Variants in ZNF548 observed in about 807,000 individuals in gnomAD.
ZNF548 encodes zinc finger protein 548.
A neutral mutation model predicts 10.2 loss-of-function variants in ZNF548; 10 were observed. The observed-to-expected ratio is 0.98, with a 90% confidence interval of 0.60 to 1.66. ZNF548 has a LOEUF of 1.66. Ranked by LOEUF, ZNF548 falls within the 40% of genes most tolerant of loss-of-function variation. The probability of loss-of-function intolerance (pLI) is 0.00; values close to 1 mark genes in which losing one functional copy is unlikely to be tolerated. For missense variants in ZNF548, 599 were observed against 657.0 expected, an observed-to-expected ratio of 0.91 and a Z score of 0.97; for synonymous variants, 217 against 223.5, an observed-to-expected ratio of 0.97 and a Z score of 0.26.
Position 57,398,455 on chromosome 19 carries a change from G to A in ZNF548, c.204G>A (p.Glu68=), listed in dbSNP as rs2088682942. The A allele has an allele frequency of 6.2e-7, 1 of 1,613,884 alleles. No individual in the cohort carries two copies. The highest frequency in any genetic ancestry group is 8.5e-7 in the Non-Finnish European group (1 of 1,179,864). ...SLGSWHGAED[E]EAPSQQGFSV... is the part of the protein sequence containing the mutation. ...GTTCTTGGCATGGAGCTGAGGATGA[G>A]GAGGCACCTTCACAGCAAGGTTTTT... The change falls in exon 4 of 4, where the codon GAG becomes GAA. Residue 68 remains glutamate, a synonymous_variant. Coordinates refer to ENST00000336128, the MANE Select transcript of ZNF548 (RefSeq NM_001172773.2).
rs1373066481 is a variant in ZNF548, at chr19:57,401,285, A to G, written c.*1396A>G. The G allele has an allele frequency of 6.6e-6, 1 of 152,260 alleles. No homozygotes were observed. Among genetic ancestry groups the G allele is most frequent in the Non-Finnish European group, 1.5e-5 (1 of 68,050 alleles). The allele number at this position is 152,260 out of a possible 1,614,324, so 9.4% of individuals were successfully genotyped here. On this transcript the variant is annotated 3_prime_UTR_variant, in exon 4 of 4. Coordinates refer to ENST00000336128, the MANE Select transcript of ZNF548 (RefSeq NM_001172773.2). ...TGGATCAAAAGTATTTGGAGCATCCATGGATTGCAGTGATCATTAATCAAA... is the reference window on the plus strand; with the variant it reads ...TGGATCAAAAGTATTTGGAGCATCCGTGGATTGCAGTGATCATTAATCAAA...
chr19:57,396,407 G>C (rs1264660904), intron 2 of ZNF548, among the ~76,000 whole-genome samples: 2 of 152,192 alleles, frequency 1.3e-5, no homozygotes, highest in Non-Finnish European at 2.9e-5. Flanking sequence ...AATATGGAGA[G>C]AAAAGTCACT....
Position 57,398,618 on chromosome 19 carries a change from A to G in ZNF548, c.367A>G (p.Ile123Val), listed in dbSNP as rs1444772223. 6.2e-7 allele frequency: 1 copy of G among 1,613,828 alleles called. No individual in the cohort carries two copies. Among genetic ancestry groups the G allele is most frequent in the East Asian group, 2.2e-5 (1 of 44,884 alleles). ...CAATGGAATTCATCCTGAGCAACAC[A>G]TATATATTTGTGAGGCAGAGCTTTT... ...EHNGIHPEQH[I>V]YICEAELFQH... Residue 123 changes from isoleucine (I) to valine (V), a missense_variant, in exon 4 of 4, where the codon ATA becomes GTA. Physicochemically the swap from Ile to Val is conservative, Grantham distance 29. Coordinates refer to ENST00000336128, the MANE Select transcript of ZNF548 (RefSeq NM_001172773.2).
intron 1 of ZNF548, 93 bp downstream of exon 1, chr19:57,390,207 AAG>A: frequency 7.0e-7 from 1 of 1,428,910 alleles, no homozygotes. Flanking sequence ...CCTTGTCCCG[AAG>A]AGAGGGGCGT....
intron 2 of ZNF548, 96 bp from the exon 3 acceptor site, chr19:57,396,952 T>A: frequency 6.7e-7 from 1 of 1,503,496 alleles, no homozygotes; most frequent in Non-Finnish European, 8.9e-7. Context: ...TGGCCCTGTG[T>A]TTAATGGGTG....
intron 1 of ZNF548, chr19:57,393,963 G>A (rs937322932): frequency 1.6e-6 from 1 of 616,820 alleles, no homozygotes; most frequent in Admixed American, 3.0e-5. Flanking sequence ...AGCCCTGTGA[G>A]GGGGCAGCTA....
At chr19:57,390,394 T>A in intron 1 of ZNF548, 1 of 385,840 alleles carries the variant, frequency 2.6e-6, no homozygotes, top group Non-Finnish European at 4.7e-6. Context: ...AATGGCAACC[T>A]GAGCAGCCAG....
chr19:57,390,331 GGGGTGTGT>G (rs2088614164), intron 1 of ZNF548: 1 of 453,906 alleles, frequency 2.2e-6, no homozygotes, highest in South Asian at 5.4e-5. Context: ...TGGGGCGTCA[GGGGTGTGT>G]GTTGTTTCTG....
intron 1 of ZNF548, 41 bp downstream of exon 1, chr19:57,390,155 C>G: frequency 6.2e-7 from 1 of 1,603,094 alleles, no homozygotes; most frequent in Non-Finnish European, 8.5e-7. Flanking sequence ...GACCGGTCCT[C>G]CCAGTGCTGA....
At position 57,399,853 on chromosome 19, in the gene ZNF548, C is replaced by G; in HGVS notation, c.1602C>G (p.Asn534Lys). Residue 534 changes from asparagine (N) to lysine (K), a missense_variant, in exon 4 of 4, where the codon AAC becomes AAG. By Grantham distance (94) the Asn-to-Lys change is moderately conservative (BLOSUM62 0). Transcript: ENST00000336128. This position sits in a 1 kb window ranked among gnomAD's most constrained non-coding sequence, Gnocchi z 4.0. ...TAGCTAAAACTCCAACCTCATTAAA[C>G]ATCAGAGATTTCACAATGGAGAAAG... ...NSLAKTPTSL[N>K]IRDFTMEKVY... 6.2e-7 allele frequency: 1 copy of G among 1,607,154 alleles called. No individual in the cohort carries two copies. The highest frequency in any genetic ancestry group is 8.5e-7 in the Non-Finnish European group (1 of 1,174,942).
chr19:57,402,556 C>T lies in ZNF548; in HGVS notation c.*2667C>T, dbSNP rs1344411354. 1 of 152,210 alleles carries T rather than the reference C, an allele frequency of 6.6e-6. No homozygotes were observed. Among genetic ancestry groups the T allele is most frequent in the Non-Finnish European group, 1.5e-5 (1 of 68,046 alleles). 9.4% of individuals were successfully genotyped at this position (152,210 alleles called of 1,614,324 possible). On this transcript the variant is annotated 3_prime_UTR_variant, in exon 4 of 4. Coordinates refer to ENST00000336128, the MANE Select transcript of ZNF548 (RefSeq NM_001172773.2). ...GTTCTGATTTTGTGTATCCAAGTGA[C>T]ATTGGGTTGTTTCTTGCTATCAGAA...
Position 57,398,590 on chromosome 19 carries a change from G to A in ZNF548, c.339G>A (p.Glu113=). 6.2e-7 allele frequency: 1 copy of A among 1,614,070 alleles called. No homozygotes were observed. The highest frequency in any genetic ancestry group is 2.2e-5 in the East Asian group (1 of 44,888). The part of the protein sequence containing the change: ...PPLKDILCLV[E]HNGIHPEQHI... ...TGAAAGACATTCTGTGCCTGGTTGAGCACAATGGAATTCATCCTGAGCAAC... is the reference window on the plus strand; with the variant it reads ...TGAAAGACATTCTGTGCCTGGTTGAACACAATGGAATTCATCCTGAGCAAC... The change falls in exon 4 of 4, where the codon GAG becomes GAA. Residue 113 remains glutamate, a synonymous_variant. Coordinates refer to ENST00000336128, the MANE Select transcript of ZNF548 (RefSeq NM_001172773.2).
At chr19:57,396,677 T>G (rs2088667784) in intron 2 of ZNF548, among the ~76,000 whole-genome samples, 2 of 152,302 alleles carry the variant, frequency 1.3e-5, no homozygotes, top group South Asian at 4.1e-4. Context: ...GGCACCAGAT[T>G]TGGTCAGGAG....
chr19:57,400,240 A>G lies in ZNF548; in HGVS notation c.*351A>G, dbSNP rs577011251. 10 of 199,758 alleles carry G rather than the reference A, an allele frequency of 5.0e-5. No individual in the cohort carries two copies. In the East Asian group the frequency reaches 5.6e-4, roughly 11 times the overall value. The allele number at this position is 199,758 out of a possible 1,614,324, so 12.4% of individuals were successfully genotyped here. A position where few individuals can be genotyped will look rare whatever the true frequency, so the allele number is the denominator to read the frequency against. ...TCCTTTTTAGGTGAAATAATATTCT[A>G]TGGTATTTATATACCACATTTATTT... On this transcript the variant is annotated 3_prime_UTR_variant, in exon 4 of 4. Transcript: ENST00000336128.
intron 1 of ZNF548, 80 bp from the exon 2 acceptor site, chr19:57,394,108 G>T: frequency 6.8e-7 from 1 of 1,461,482 alleles, no homozygotes; most frequent in Non-Finnish European, 9.3e-7. Context: ...CCCAGGCAGG[G>T]CAGACGAGGT....
At position 57,399,302 on chromosome 19, in the gene ZNF548, T is replaced by C. The variant is rs1433814920; in HGVS notation, c.1051T>C (p.Cys351Arg). The change falls in exon 4 of 4, where the codon TGC (cysteine) becomes CGC (arginine). Residue 351 changes from cysteine to arginine, a missense_variant. Transcript: ENST00000336128. The surrounding 1 kb of genome is among the most constrained non-coding windows in gnomAD (Gnocchi z 4.0). ...RVHTGERPYK[C>R]NDCGKFFRYI... is the part of the protein sequence containing the mutation. ...TCACACCGGAGAAAGACCTTATAAG[T>C]GCAATGATTGTGGGAAATTTTTTAG... 1.2e-6 allele frequency: 2 copies of C among 1,613,968 alleles called. No individual in the cohort carries two copies. Among genetic ancestry groups the C allele is most frequent in the Middle Eastern group, 1.7e-4 (1 of 6,060 alleles).
chr19:57,398,687 G>T lies in ZNF548; in HGVS notation c.436G>T (p.Asp146Tyr). 1 of 1,614,040 alleles carries T rather than the reference G, an allele frequency of 6.2e-7. No homozygotes were observed. The highest frequency in any genetic ancestry group is 8.5e-7 in the Non-Finnish European group (1 of 1,179,910). ...QQIGENLSRG[D>Y]DWIPSFGKNH... ...AATTGGAGAAAATCTTTCCAGAGGGGATGATTGGATACCTTCATTTGGGAA... is the reference window on the plus strand; with the variant it reads ...AATTGGAGAAAATCTTTCCAGAGGGTATGATTGGATACCTTCATTTGGGAA... The change falls in exon 4 of 4, where the codon GAT (aspartate) becomes TAT (tyrosine). Residue 146 changes from aspartate (D) to tyrosine (Y), a missense_variant. Physicochemically the swap from Asp to Tyr is radical, Grantham distance 160. Coordinates refer to ENST00000336128, the MANE Select transcript of ZNF548 (RefSeq NM_001172773.2).
In ZNF548 at chr19:57,399,628, G is replaced by C; in HGVS notation, c.1377G>C (p.Arg459Ser). The C allele has an allele frequency of 6.2e-7, 1 of 1,614,048 alleles. No homozygotes were observed. The highest frequency in any genetic ancestry group is 1.3e-5 in the African/African-American group (1 of 74,998). Residue 459 changes from arginine (R) to serine (S), a missense_variant, in exon 4 of 4, where the codon AGG (arginine) becomes AGC (serine). Coordinates refer to ENST00000336128, the MANE Select transcript of ZNF548 (RefSeq NM_001172773.2). The surrounding 1 kb of genome is among the most constrained non-coding windows in gnomAD (Gnocchi z 4.0). ...IKHWRNHTGE[R>S]PYECRECGKA... ...ATTGGAGAAATCACACTGGAGAAAG[G>C]CCTTACGAGTGCAGAGAGTGTGGGA...
chr19:57,392,905 C>T, intron 1 of ZNF548: 1 of 985,544 alleles, frequency 1.0e-6, no homozygotes, highest in Non-Finnish European at 1.2e-6. Context: ...CCTGGCATAA[C>T]AGGGATTCTG....
Sources: gnomAD v4.1 joint callset for allele counts (sites outside exome capture counted in the v4.1 genomes callset) on GRCh38, gnomAD v4.1.1 for gene constraint, Gnocchi (gnomAD v3.1) non-coding constraint, MANE v1.5 for transcripts, NCBI Gene and HGNC (gene_info 2026-07-23, HGNC 2026-07-21) for gene names.